SEC14L4: variants seen among roughly 807,000 people sequenced by gnomAD.
SEC14L4 encodes the protein SEC14-like protein 4.
A neutral mutation model predicts 55.1 loss-of-function variants in SEC14L4; 42 were observed. That is an observed-to-expected ratio of 0.76 (90% CI 0.60 to 0.99). The LOEUF (loss-of-function observed/expected upper bound fraction) is 0.99, where lower values mean the gene tolerates loss of function less well. SEC14L4 is among the 50% of genes least tolerant of loss of function. The pLI is 0.00. For synonymous variants in SEC14L4, 206 were observed against 206.8 expected (o/e 1.00, Z 0.03); for missense variants, 445 against 512.1 (o/e 0.87, Z 1.27).
At chr22:30,504,732 TGAGA>T (rs1390410019) in intron 1 of SEC14L4, among the ~76,000 whole-genome samples, 1 of 152,140 alleles carries the variant, frequency 6.6e-6, no homozygotes, top group Non-Finnish European at 1.5e-5. Flanking sequence ...CTGTTGCGTC[TGAGA>T]GAGAGGAGAT....
chr22:30,501,844 C>T (rs1231361379), intron 2 of SEC14L4, among the ~76,000 whole-genome samples: 603 of 50,128 alleles, frequency 0.012, 9 homozygotes, highest in African/African-American at 0.053. Context: ...CACACACACG[C>T]ACATATATAT....
Position 30,495,627 on chromosome 22 carries a change from TC to T in SEC14L4, c.189del (p.Lys64SerfsTer57). 2 of 1,613,930 alleles carry T rather than the reference TC, an allele frequency of 1.2e-6. No homozygotes were observed. The highest frequency in any genetic ancestry group is 1.7e-6 in the Non-Finnish European group (2 of 1,180,010). On this transcript the variant is annotated frameshift_variant, in exon 4 of 12. Transcript: ENST00000255858. LOFTEE classifies it high-confidence loss of function. Reference protein sequence around the residue: ...EDMLRRHMEFRKQQDLDNIVT... With the variant: ...EDMLRRHMEFXKQQDLDNIVT... ...ACAATGTTGTCCAGGTCTTGTTGCT[TC>T]CGGAACTCCATGTGCTGCAGGAACA...
chr22:30,494,350 C>T, intron 6 of SEC14L4, 140 bp from the exon 7 acceptor site: 1 of 678,974 alleles, frequency 1.5e-6, no homozygotes. Context: ...GCCTCTTCCT[C>T]TCTGTTATTC....
chr22:30,494,143 G>A lies in SEC14L4; in HGVS notation c.580+7C>T. 2 of 1,610,670 alleles carry A rather than the reference G, an allele frequency of 1.2e-6. No homozygotes were observed. The highest frequency in any genetic ancestry group is 1.1e-5 in the South Asian group (1 of 90,972). On this transcript the variant is annotated splice_region_variant and intron_variant, in intron 7 of 11. Transcript: ENST00000255858. ...TCCCCAGGAGGTCATCCCGGTCATG[G>A]GCTTACCTCGAATAACAATTAAATT...
At chr22:30,504,321 C>T (rs1936426422) in intron 1 of SEC14L4, among the ~76,000 whole-genome samples, 1 of 142,540 alleles carries the variant, frequency 7.0e-6, no homozygotes, top group Non-Finnish European at 1.6e-5. Flanking sequence ...TCCCAAAGTG[C>T]TGGGATCACA....
At chr22:30,494,257 C>G in intron 6 of SEC14L4, 47 bp from the exon 7 acceptor site, 1 of 1,490,684 alleles carries the variant, frequency 6.7e-7, no homozygotes, top group Non-Finnish European at 9.4e-7. Context: ...CCATCACCTC[C>G]CGCCCATGGG....
intron 2 of SEC14L4, among the ~76,000 whole-genome samples, chr22:30,497,268 G>A (rs1348779451): frequency 6.6e-6 from 1 of 152,112 alleles, no homozygotes; most frequent in Non-Finnish European, 1.5e-5. Context: ...GAACCCAGGA[G>A]GCAGAGGTTG....
chr22:30,498,653 T>C (rs1936224191), intron 2 of SEC14L4, among the ~76,000 whole-genome samples: 1 of 152,228 alleles, frequency 6.6e-6, no homozygotes. Context: ...AGAAAATGCA[T>C]CTAAAATCCT....
Position 30,495,254 on chromosome 22 carries a change from C to T in SEC14L4, c.423G>A (p.Lys141=), listed in dbSNP as rs1328408341. 8 of 1,606,930 alleles carry T rather than the reference C, an allele frequency of 5.0e-6. No homozygotes were observed. Among genetic ancestry groups the T allele is most frequent in the Non-Finnish European group, 5.1e-6 (6 of 1,176,634 alleles). The change falls in exon 5 of 12, where the codon AAG becomes AAA. Residue 141 remains lysine, a splice_region_variant and synonymous_variant. Transcript: ENST00000255858. ...LLHECELQTQ[K]LGRKIEMALM... ...GCCCAGCCCCACCCCCGCTGCTCAC[C>T]TTCTGAGTTTGCAGCTCACACTCAT... is the stretch of plus-strand genomic sequence containing the variant.
chr22:30,500,754 ATTTTTTTTTTTTTTTTT>A (rs531954470), intron 2 of SEC14L4, among the ~76,000 whole-genome samples: 1 of 79,472 alleles, frequency 1.3e-5, no homozygotes, highest in Admixed American at 1.8e-4. Context: ...TGAGAACAGA[ATTTTTTTTTTTTTTTTT>A]TTTTTTTTTT....
chr22:30,490,890 C>T (rs1284929898), intron 11 of SEC14L4, among the ~76,000 whole-genome samples: 1 of 152,138 alleles, frequency 6.6e-6, no homozygotes, highest in Non-Finnish European at 1.5e-5. Flanking sequence ...GCTACATAAG[C>T]CGCTTTCCGT....
At chr22:30,492,860 G>C in intron 7 of SEC14L4, 1 of 314,158 alleles carries the variant, frequency 3.2e-6, no homozygotes, top group Non-Finnish European at 6.1e-6. Context: ...GAGGTAGGCA[G>C]ATCACTTGAA....
At chr22:30,499,145 A>G (rs1189408328) in intron 2 of SEC14L4, among the ~76,000 whole-genome samples, 1 of 151,774 alleles carries the variant, frequency 6.6e-6, no homozygotes, top group Non-Finnish European at 1.5e-5. Flanking sequence ...GGGTTTCACC[A>G]TGTTAGCCAG....
chr22:30,497,524 GA>G (rs751995736), intron 2 of SEC14L4, among the ~76,000 whole-genome samples: 3,462 of 124,218 alleles, frequency 0.028, 91 homozygotes, highest in African/African-American at 0.084. Context: ...GACCCTGTCT[GA>G]AAAAAAAAAA....
intron 2 of SEC14L4, among the ~76,000 whole-genome samples, chr22:30,497,974 G>A (rs1170262210): frequency 6.6e-6 from 1 of 152,026 alleles, no homozygotes; most frequent in South Asian, 2.1e-4. Flanking sequence ...AGTTATATGT[G>A]GCTACAGGTG....
chr22:30,492,299 G>A, intron 8 of SEC14L4, 144 bp from the exon 9 acceptor site: 2 of 1,202,718 alleles, frequency 1.7e-6, no homozygotes, highest in African/African-American at 1.5e-5. Flanking sequence ...AGACCTTTAT[G>A]TGGCTCCCAG....
chr22:30,494,935 C>T lies in SEC14L4; in HGVS notation c.450G>A (p.Leu150=), dbSNP rs199986939. The change falls in exon 6 of 12, where the codon CTG becomes CTA. Residue 150 remains leucine (L), a synonymous_variant. Coordinates refer to ENST00000255858, the MANE Select transcript of SEC14L4 (RefSeq NM_174977.4). ...QKLGRKIEMA[L]MVFDMEGLSL... Reference sequence around the variant, plus strand: ...TCAGCCCCTCCATGTCAAACACCATCAGCGCCATCTCGATCTTCCTGCCCA... The same window carrying T: ...TCAGCCCCTCCATGTCAAACACCATTAGCGCCATCTCGATCTTCCTGCCCA... 6.2e-7 allele frequency: 1 copy of T among 1,613,618 alleles called. No individual in the cohort carries two copies. Among genetic ancestry groups the T allele is most frequent in the Non-Finnish European group, 8.5e-7 (1 of 1,179,938 alleles).
Position 30,490,032 on chromosome 22 carries a change from C to A in SEC14L4, c.*75G>T. The stretch of plus-strand genomic sequence containing the variant: ...TCTCTGCAGCCACCTCCAGCACCAC[C>A]CTGCCTGGGAAGGCAGGGGTCAGAG... On this transcript the variant is annotated 3_prime_UTR_variant, in exon 12 of 12. Transcript: ENST00000255858. The A allele has an allele frequency of 1.3e-6, 2 of 1,591,670 alleles. No homozygotes were observed. The highest frequency in any genetic ancestry group is 1.7e-6 in the Non-Finnish European group (2 of 1,167,930).
chr22:30,498,927 G>A (rs952251446), intron 2 of SEC14L4, among the ~76,000 whole-genome samples: 3 of 151,840 alleles, frequency 2.0e-5, no homozygotes, highest in Admixed American at 2.0e-4. Flanking sequence ...CCTTGGTCAC[G>A]CTGCATAATT....
Sources: allele counts gnomAD v4.1 joint callset (sites outside exome capture counted in the v4.1 genomes callset), GRCh38; gene constraint gnomAD v4.1.1; transcripts MANE v1.5; gene names NCBI Gene and HGNC (gene_info 2026-07-23, HGNC 2026-07-21).